RP1: variants seen among roughly 807,000 people sequenced by gnomAD.
RP1 encodes the protein oxygen-regulated protein 1.
In RP1, 16 loss-of-function variants were observed where a neutral mutation model predicts 14.8. That is an observed-to-expected ratio of 1.08 (90% CI 0.73 to 1.65). The LOEUF is 1.65. RP1 is among the 40% of genes most tolerant of loss of function. The pLI is 0.00. For synonymous variants in RP1, 876 were observed against 883.6 expected, an observed-to-expected ratio of 0.99 and a Z score of 0.15; for missense variants, 2,631 against 2,535.0, an observed-to-expected ratio of 1.04 and a Z score of -0.81.
chr8:54,867,700 A>C (rs1812489367), intron 28 of RP1, among the ~76,000 whole-genome samples: 1 of 152,232 alleles, frequency 6.6e-6, no homozygotes, highest in African/African-American at 2.4e-5. Flanking sequence ...AAATGAAGGG[A>C]GAAAACACAC....
chr8:54,790,712 A>G (rs1476179956), intron 24 of RP1, among the ~76,000 whole-genome samples: 1 of 152,246 alleles, frequency 6.6e-6, no homozygotes, highest in Non-Finnish European at 1.5e-5. Context: ...TGAAAAATTC[A>G]GTACAGAGCT....
intron 24 of RP1, among the ~76,000 whole-genome samples, chr8:54,794,179 A>T (rs1325274770): frequency 6.6e-6 from 1 of 151,928 alleles, no homozygotes; most frequent in African/African-American, 2.4e-5. Context: ...TCAAAATTTC[A>T]ATAGCATTTT....
chr8:54,594,082 G>A (rs1805092332), intron 1 of RP1, among the ~76,000 whole-genome samples: 1 of 93,854 alleles, frequency 1.1e-5, no homozygotes, highest in Non-Finnish European at 2.1e-5. Context: ...CCTGAACTCT[G>A]AGAGAACTTG....
downstream of RP1, among the ~76,000 whole-genome samples, chr8:54,633,034 G>T (rs1215817131): frequency 2.6e-5 from 4 of 152,114 alleles, no homozygotes; most frequent in Non-Finnish European, 1.5e-5. Context: ...AAAAGTTCAG[G>T]CACTCTGAGA....
At chr8:54,840,345 T>A (rs866389357) in intron 25 of RP1, among the ~76,000 whole-genome samples, 8 of 151,910 alleles carry the variant, frequency 5.3e-5, no homozygotes, top group South Asian at 2.1e-4. Context: ...ATCTGCCTCC[T>A]AGGTTCAAGC....
chr8:54,684,386 G>A (rs1807507797), intron 12 of RP1, among the ~76,000 whole-genome samples: 1 of 152,146 alleles, frequency 6.6e-6, no homozygotes, highest in African/African-American at 2.4e-5. Flanking sequence ...AGTACACATG[G>A]TACCAGGTCC....
chr8:54,639,431 T>C (rs1180427098), intron 3 of RP1, among the ~76,000 whole-genome samples: 2 of 152,192 alleles, frequency 1.3e-5, no homozygotes, highest in Non-Finnish European at 2.9e-5. Flanking sequence ...CCTAGGTAAA[T>C]ATCTAGGAGT....
chr8:54,820,781 T>A (rs1346329221), intron 24 of RP1, among the ~76,000 whole-genome samples: 1 of 152,260 alleles, frequency 6.6e-6, no homozygotes, highest in Non-Finnish European at 1.5e-5. Context: ...TGTTTTCTTG[T>A]GTGGCTGGTT....
intron 23 of RP1, among the ~76,000 whole-genome samples, chr8:54,783,309 A>G (rs1810234257): frequency 6.6e-6 from 1 of 152,212 alleles, no homozygotes; most frequent in Non-Finnish European, 1.5e-5. Flanking sequence ...TTTGCCCAAA[A>G]TATGTATTGT....
chr8:54,745,263 A>G (rs1420399736), intron 19 of RP1, among the ~76,000 whole-genome samples: 3 of 152,214 alleles, frequency 2.0e-5, no homozygotes, highest in Admixed American at 1.3e-4. Context: ...CAAAAGATTT[A>G]TGGAGAGAAT....
Position 54,629,304 on chromosome 8 carries a change from C to G in RP1, c.5422C>G (p.Leu1808Val), listed in dbSNP as rs749524061. The change falls in exon 4 of 4, where the codon CTG (leucine) becomes GTG (valine). Residue 1808 changes from leucine to valine, a missense_variant. Leu to Val is a conservative substitution (Grantham distance 32). Coordinates refer to ENST00000220676, the MANE Select transcript of RP1 (RefSeq NM_006269.2). ...ACTCTCCTCTTCAGAACTCGAGGAA[C>G]TGACTCAACCCCTTGAACTAAAATG... ...DELSSSELEE[L>V]TQPLELKCNY... 1 of 1,613,818 alleles carries G rather than the reference C, an allele frequency of 6.2e-7. No individual in the cohort carries two copies. Among genetic ancestry groups the G allele is most frequent in the Non-Finnish European group, 8.5e-7 (1 of 1,179,848 alleles).
intron 24 of RP1, among the ~76,000 whole-genome samples, chr8:54,797,515 A>G (rs1340932810): frequency 7.1e-6 from 1 of 140,826 alleles, no homozygotes; most frequent in Non-Finnish European, 1.5e-5. Flanking sequence ...AGCTGAACTG[A>G]GTCACATAGG....
intron 1 of RP1, among the ~76,000 whole-genome samples, chr8:54,593,830 C>T (rs1302500052): frequency 2.0e-5 from 3 of 152,210 alleles, no homozygotes; most frequent in African/African-American, 2.4e-5. Context: ...CAGTCTAATC[C>T]GTGGGGTGCT....
chr8:54,736,110 G>A (rs1808913971), intron 18 of RP1, among the ~76,000 whole-genome samples: 1 of 152,128 alleles, frequency 6.6e-6, no homozygotes, highest in Non-Finnish European at 1.5e-5. Flanking sequence ...CCTGGATATA[G>A]CACTAGACTG....
At chr8:54,576,327 G>A (rs1417170844) in intron 1 of RP1, among the ~76,000 whole-genome samples, 2 of 152,228 alleles carry the variant, frequency 1.3e-5, no homozygotes, top group Admixed American at 6.5e-5. Context: ...TTACAGGCGT[G>A]AGCCACCGCG....
chr8:54,643,320 A>G (rs1461956207), intron 3 of RP1, among the ~76,000 whole-genome samples: 1 of 152,358 alleles, frequency 6.6e-6, no homozygotes, highest in Admixed American at 6.5e-5. Context: ...ATACAGAACA[A>G]TTCTATCCCA....
At chr8:54,697,669 C>T (rs1249899832) in intron 12 of RP1, among the ~76,000 whole-genome samples, 1 of 152,186 alleles carries the variant, frequency 6.6e-6, no homozygotes, top group Non-Finnish European at 1.5e-5. Context: ...ACCAAAACAG[C>T]ATGGTACTGG....
intron 22 of RP1, among the ~76,000 whole-genome samples, chr8:54,760,133 G>A (rs1809604243): frequency 6.6e-6 from 1 of 152,212 alleles, no homozygotes; most frequent in South Asian, 2.1e-4. Context: ...GCTGACTGCA[G>A]ATGAACAGAA....
rs576235970 is a variant in RP1, at chr8:54,590,497, T to C, written c.-12-30458T>C. ...CGCCACCTTTCCTTAGAGTGCCCCC[T>C]CCTCAAAGCTCTCAGGACCCTTTCC... On this transcript the variant is annotated intron_variant, in intron 1 of 22. Coordinates refer to the RP1 transcript ENST00000636932. Among the ~76,000 whole-genome samples the C allele has an allele frequency of 2.0e-5, 3 of 152,252 alleles. No individual in the cohort carries two copies. The South Asian group carries it at 6.2e-4, about 32-fold the overall frequency.
Sources: gnomAD v4.1 joint callset for allele counts (sites outside exome capture counted in the v4.1 genomes callset) on GRCh38, gnomAD v4.1.1 for gene constraint, MANE v1.5 for transcripts, NCBI Gene and HGNC (gene_info 2026-07-23, HGNC 2026-07-21) for gene names.